TRIO: variants seen among roughly 807,000 people sequenced by gnomAD.
TRIO encodes the protein triple functional domain protein.
A neutral mutation model predicts 351.9 loss-of-function variants in TRIO; 58 were observed. That is an observed-to-expected ratio of 0.16 (90% CI 0.13 to 0.21). The LOEUF is 0.21. TRIO is among the 10% of genes least tolerant of loss of function. TRIO has a pLI of 1.00. For missense variants in TRIO, 3,201 were observed against 4,027.8 expected, an observed-to-expected ratio of 0.79 and a Z score of 5.56; for synonymous variants, 1,758 against 1,595.7, an observed-to-expected ratio of 1.10 and a Z score of -2.42.
At chr5:14,210,719 C>T (rs866186711) in intron 1 of TRIO, among the ~76,000 whole-genome samples, 4 of 152,064 alleles carry the variant, frequency 2.6e-5, no homozygotes, top group Non-Finnish European at 5.9e-5. Context: ...ATTTTTCCAT[C>T]AGTTATTGTA....
At position 14,481,631 on chromosome 5, in the gene TRIO, T is replaced by C; in HGVS notation, c.6465+13T>C. Reference sequence around the variant, plus strand: ...GCAAGGATTCGACGTAATGCGGCTCTTGTTTTTTAAGAGAGCTCCTCTGCC... The same window carrying C: ...GCAAGGATTCGACGTAATGCGGCTCCTGTTTTTTAAGAGAGCTCCTCTGCC... On this transcript the variant is annotated intron_variant, in intron 45 of 56. Coordinates refer to ENST00000344204, the MANE Select transcript of TRIO (RefSeq NM_007118.4). 1 of 1,614,138 alleles carries C rather than the reference T, an allele frequency of 6.2e-7. No homozygotes were observed.
chr5:14,427,332 C>G (rs878925891), intron 34 of TRIO, among the ~76,000 whole-genome samples: 2 of 152,146 alleles, frequency 1.3e-5, no homozygotes, highest in Non-Finnish European at 2.9e-5. Context: ...CCTATGTCCC[C>G]TTCACCCCCC....
intron 34 of TRIO, among the ~76,000 whole-genome samples, chr5:14,444,869 T>C (rs1232942465): frequency 6.6e-6 from 1 of 152,164 alleles, no homozygotes; most frequent in African/African-American, 2.4e-5. Context: ...ATATTAAAAT[T>C]AGACTGAAAC....
chr5:14,438,045 A>G (rs1751735268), intron 34 of TRIO, among the ~76,000 whole-genome samples: 1 of 152,234 alleles, frequency 6.6e-6, no homozygotes, highest in Non-Finnish European at 1.5e-5. Context: ...GTGTCCAGCC[A>G]TCAAAGTAAA....
At chr5:14,382,706 A>G (rs1579490611) in intron 21 of TRIO, among the ~76,000 whole-genome samples, 1 of 152,254 alleles carries the variant, frequency 6.6e-6, no homozygotes, top group South Asian at 2.1e-4. Flanking sequence ...TAGATATTAC[A>G]TAATAGTTAT....
chr5:14,358,446 G>A (rs1331007655), intron 12 of TRIO, 99 bp downstream of exon 12: 5 of 1,407,976 alleles, frequency 3.6e-6, no homozygotes, highest in Non-Finnish European at 4.9e-6. Flanking sequence ...CTGCTTCTCT[G>A]TCCAGCTGAG....
intron 33 of TRIO, among the ~76,000 whole-genome samples, chr5:14,412,975 A>ACATAT (rs888999398): frequency 6.4e-5 from 8 of 125,040 alleles, no homozygotes; most frequent in Admixed American, 4.9e-4. Context: ...AGTACTGCTC[A>ACATAT]CATATATTTA....
At chr5:14,200,724 T>C (rs1791059137) in intron 1 of TRIO, among the ~76,000 whole-genome samples, 1 of 152,200 alleles carries the variant, frequency 6.6e-6, no homozygotes, top group African/African-American at 2.4e-5. Flanking sequence ...TGGTTCGTAG[T>C]GCAGAATAAA....
At chr5:14,505,427 C>T (rs1196535573) in intron 55 of TRIO, among the ~76,000 whole-genome samples, 2 of 152,252 alleles carry the variant, frequency 1.3e-5, no homozygotes, top group Non-Finnish European at 2.9e-5. Flanking sequence ...CTTGCATTTA[C>T]AGCTGCTTTT....
At position 14,424,611 on chromosome 5, in the gene TRIO, C is replaced by A. The variant is rs763583850; in HGVS notation, c.5203+4590C>A. On this transcript the variant is annotated intron_variant, in intron 34 of 56. Transcript: ENST00000344204. ...GGTAAAATCTGTGCCAAAAACAGTC[C>A]CCCATAGTTTACCACAACTCCAGTG... 3.5e-4 allele frequency among the ~76,000 whole-genome samples: 53 copies of A among 152,200 alleles called. 1 individual carries two copies. The highest frequency in any genetic ancestry group is 1.2e-3 in the Admixed American group (18 of 15,296).
Position 14,472,615 on chromosome 5 carries a change from A to T in TRIO, c.5936A>T (p.Glu1979Val). 6.2e-7 allele frequency: 1 copy of T among 1,614,142 alleles called. No individual in the cohort carries two copies. Among genetic ancestry groups the T allele is most frequent in the Non-Finnish European group, 8.5e-7 (1 of 1,179,998 alleles). The change falls in exon 39 of 57, where the codon GAG becomes GTG. Residue 1979 changes from glutamate (E) to valine (V), a missense_variant. This residue lies in a region of TRIO where 307 missense variants were observed against 396.5 expected (regional missense o/e 0.77). Coordinates refer to ENST00000344204, the MANE Select transcript of TRIO (RefSeq NM_007118.4). ...RRHYVLQELV[E>V]TERDYVRDLG... ...AGCTACGTTTTGCAAGAACTAGTGG[A>T]GACAGAGCGTGACTATGTGCGGGAC... is the stretch of plus-strand genomic sequence containing the variant.
chr5:14,488,665 T>G, intron 48 of TRIO: 1 of 533,840 alleles, frequency 1.9e-6, no homozygotes, highest in Non-Finnish European at 3.4e-6. Flanking sequence ...GCTCATCGCT[T>G]GGTTTTGCTC....
At chr5:14,489,642 C>T (rs1756326179) in intron 48 of TRIO, among the ~76,000 whole-genome samples, 1 of 152,202 alleles carries the variant, frequency 6.6e-6, no homozygotes, top group Non-Finnish European at 1.5e-5. Flanking sequence ...GAGGAGATTT[C>T]AGAGTCTGTG....
chr5:14,373,513 G>T (rs2152347420), intron 18 of TRIO, among the ~76,000 whole-genome samples: 1 of 152,172 alleles, frequency 6.6e-6, no homozygotes, highest in South Asian at 2.1e-4. Flanking sequence ...TATAATTAAA[G>T]GGTTTTTTCC....
chr5:14,380,609 T>G (rs1746015128), intron 20 of TRIO, among the ~76,000 whole-genome samples: 1 of 142,260 alleles, frequency 7.0e-6, no homozygotes, highest in African/African-American at 2.5e-5. Flanking sequence ...AAACTCAAAC[T>G]ATTTTTTGTT....
chr5:14,306,835 A>G (rs1007982347), intron 8 of TRIO, among the ~76,000 whole-genome samples: 3 of 152,200 alleles, frequency 2.0e-5, no homozygotes, highest in Non-Finnish European at 4.4e-5. Context: ...AGTGCATTCT[A>G]TAAAAATGGG....
At chr5:14,377,387 A>G (rs1745655029) in intron 19 of TRIO, among the ~76,000 whole-genome samples, 1 of 152,004 alleles carries the variant, frequency 6.6e-6, no homozygotes, top group Admixed American at 6.6e-5. Context: ...CTGGGACTAC[A>G]GGCACCTGCC....
intron 1 of TRIO, among the ~76,000 whole-genome samples, chr5:14,261,878 A>C (rs1795367816): frequency 6.6e-6 from 1 of 152,214 alleles, no homozygotes; most frequent in African/African-American, 2.4e-5. Context: ...ATTATATGTA[A>C]ATGTGATTTT....
At position 14,291,047 on chromosome 5, in the gene TRIO, G is replaced by T. The variant is rs55772118; in HGVS notation, c.872G>T (p.Ser291Ile). ...CTTCAGAGGATACAGAGCAGTGAAA[G>T]CTTTCCCAAAAAGAACTCAGGCTCA... ...KLLQRIQSSE[S>I]FPKKNSGSGN... Residue 291 changes from serine (S) to isoleucine (I), a missense_variant, in exon 5 of 57, where the codon AGC becomes ATC. Ser to Ile is a moderately radical substitution (Grantham distance 142). Coordinates refer to ENST00000344204, the MANE Select transcript of TRIO (RefSeq NM_007118.4). The T allele has an allele frequency of 2.5e-6, 4 of 1,614,086 alleles. No individual in the cohort carries two copies. The East Asian group carries it at 6.7e-5, about 27-fold the overall frequency.
Sources: gnomAD v4.1 joint callset for allele counts (sites outside exome capture counted in the v4.1 genomes callset) on GRCh38, gnomAD v4.1.1 for gene constraint, gnomAD v4.1.1 regional missense constraint, MANE v1.5 for transcripts, NCBI Gene and HGNC (gene_info 2026-07-23, HGNC 2026-07-21) for gene names.